The following ANKS1B variants were observed in gnomAD, a reference collection of about 807,000 sequenced individuals.
ANKS1B encodes ankyrin repeat and sterile alpha motif domain containing 1B, also known as ankyrin repeat and sterile alpha motif domain-containing protein 1B.
ANKS1B carries 36 observed loss-of-function variants against 148.3 expected under a neutral mutation model. That is an observed-to-expected ratio of 0.24 (90% CI 0.19 to 0.32). The LOEUF (loss-of-function observed/expected upper bound fraction) is 0.32, where lower values mean the gene tolerates loss of function less well. Among genes scored for constraint, ANKS1B ranks in the 10% least tolerant of loss-of-function variants. The pLI is 1.00. For synonymous variants in ANKS1B, 542 were observed against 560.8 expected, an observed-to-expected ratio of 0.97 and a Z score of 0.47; for missense variants, 1,157 against 1,542.6, an observed-to-expected ratio of 0.75 and a Z score of 4.19.
intron 12 of ANKS1B, among the ~76,000 whole-genome samples, chr12:99,367,786 T>TTGTG (rs370684225): frequency 2.6e-4 from 39 of 148,446 alleles, no homozygotes; most frequent in South Asian, 4.2e-4. Context: ...GTGTGTGTGC[T>TTGTG]TGTGTGTGTG....
At chr12:99,002,216 A>G (rs962951850) in intron 17 of ANKS1B, among the ~76,000 whole-genome samples, 6 of 152,162 alleles carry the variant, frequency 3.9e-5, no homozygotes, top group Non-Finnish European at 7.3e-5. Context: ...CACTTTTTGA[A>G]GAACTGCCAT....
chr12:99,203,255 T>A (rs1273136055), intron 14 of ANKS1B, among the ~76,000 whole-genome samples: 1 of 152,148 alleles, frequency 6.6e-6, no homozygotes, highest in African/African-American at 2.4e-5. Context: ...CCTACCTCTT[T>A]TGCGTTGCAT....
chr12:99,177,603 A>C (rs1760711312), intron 14 of ANKS1B, among the ~76,000 whole-genome samples: 2 of 152,232 alleles, frequency 1.3e-5, no homozygotes, highest in Non-Finnish European at 1.5e-5. Flanking sequence ...GTTTACACTT[A>C]TGTATGTCTG....
intron 8 of ANKS1B, among the ~76,000 whole-genome samples, chr12:99,767,658 T>C (rs1033653845): frequency 7.9e-5 from 12 of 152,120 alleles, no homozygotes; most frequent in Non-Finnish European, 1.5e-5. Flanking sequence ...AGGATATTTA[T>C]ATTTCTTCAA....
chr12:99,625,732 T>G (rs1368827208), intron 9 of ANKS1B, among the ~76,000 whole-genome samples: 1 of 152,064 alleles, frequency 6.6e-6, no homozygotes, highest in Admixed American at 6.6e-5. Context: ...TATAAATACT[T>G]CTGGAAAAAG....
At chr12:99,276,910 T>C (rs2077746436) in intron 12 of ANKS1B, among the ~76,000 whole-genome samples, 1 of 152,218 alleles carries the variant, frequency 6.6e-6, no homozygotes, top group South Asian at 2.1e-4. Context: ...CTCTGGATGT[T>C]ACATGATCTC....
chr12:99,300,861 G>A (rs1366804455), intron 12 of ANKS1B, among the ~76,000 whole-genome samples: 1 of 152,142 alleles, frequency 6.6e-6, no homozygotes, highest in Non-Finnish European at 1.5e-5. Context: ...GTGCTATTTG[G>A]TGACTAGATG....
At chr12:98,860,359 T>C (rs2099592720) in intron 17 of ANKS1B, among the ~76,000 whole-genome samples, 1 of 152,220 alleles carries the variant, frequency 6.6e-6, no homozygotes, top group Admixed American at 6.5e-5. Flanking sequence ...GTTCAGTAAG[T>C]TTGACCCTTT....
At chr12:99,574,139 T>G (rs934448579) in intron 9 of ANKS1B, among the ~76,000 whole-genome samples, 12 of 152,048 alleles carry the variant, frequency 7.9e-5, no homozygotes, top group Non-Finnish European at 1.8e-4. Flanking sequence ...CTCTTAAGGG[T>G]CATCTCAGTT....
At chr12:99,420,091 G>T (rs1324729085) in intron 11 of ANKS1B, among the ~76,000 whole-genome samples, 1 of 152,154 alleles carries the variant, frequency 6.6e-6, no homozygotes, top group Non-Finnish European at 1.5e-5. Flanking sequence ...CAGATGGGCA[G>T]ACAGGGAAAC....
rs751484293 is a variant in ANKS1B at position 99,896,246 on chromosome 12, C to T, written c.135-70857G>A. On this transcript the variant is annotated intron_variant, in intron 1 of 26. Coordinates refer to ENST00000683438, the MANE Select transcript of ANKS1B (RefSeq NM_001352186.2). ...GACCTCCATCTGCCCATTTCTCCCA[C>T]ACCCTTCATTCCTGGTAACCACTCT... Among the ~76,000 whole-genome samples the T allele has an allele frequency of 4.6e-5, 7 of 151,250 alleles. 1 individual carries two copies. Among genetic ancestry groups the T allele is most frequent in the Non-Finnish European group, 8.9e-5 (6 of 67,576 alleles).
chr12:98,818,746 A>T (rs981321369), intron 19 of ANKS1B, among the ~76,000 whole-genome samples: 2 of 152,198 alleles, frequency 1.3e-5, no homozygotes, highest in Non-Finnish European at 1.5e-5. Context: ...TATACATTAT[A>T]TTCCTTTCTT....
chr12:98,813,804 C>A (rs2099117059), intron 19 of ANKS1B, among the ~76,000 whole-genome samples: 1 of 152,174 alleles, frequency 6.6e-6, no homozygotes. Context: ...ATCCAACCAC[C>A]TTGGCCTCCC....
intron 1 of ANKS1B, among the ~76,000 whole-genome samples, chr12:99,842,612 C>CGTAA (rs1296354312): frequency 6.6e-6 from 1 of 152,064 alleles, no homozygotes; most frequent in Non-Finnish European, 1.5e-5. Context: ...AACCCTCTTA[C>CGTAA]CCATGTTTCC....
chr12:99,545,470 TTTTG>T (rs1335178215), intron 9 of ANKS1B, among the ~76,000 whole-genome samples: 4 of 151,890 alleles, frequency 2.6e-5, no homozygotes, highest in South Asian at 2.1e-4. Context: ...CCTCTCTGGG[TTTTG>T]TTTGTTTGTT....
At chr12:98,786,014 A>G (rs2098791288) in intron 22 of ANKS1B, among the ~76,000 whole-genome samples, 1 of 152,108 alleles carries the variant, frequency 6.6e-6, no homozygotes, top group African/African-American at 2.4e-5. Flanking sequence ...ACCCCCCTTC[A>G]GAGCCAGCTT....
intron 12 of ANKS1B, among the ~76,000 whole-genome samples, chr12:99,368,008 G>A (rs2092875838): frequency 6.6e-6 from 1 of 152,054 alleles, no homozygotes; most frequent in Non-Finnish European, 1.5e-5. Flanking sequence ...GAATAAATAA[G>A]CCTAACTCTA....
chr12:98,752,462 T>C (rs961269394), intron 25 of ANKS1B, among the ~76,000 whole-genome samples: 11 of 152,074 alleles, frequency 7.2e-5, no homozygotes, highest in Non-Finnish European at 1.5e-4. Flanking sequence ...TTTCACTATG[T>C]TGGCCAGGCT....
At chr12:98,854,635 T>C (rs1331656174) in intron 17 of ANKS1B, among the ~76,000 whole-genome samples, 1 of 152,242 alleles carries the variant, frequency 6.6e-6, no homozygotes, top group Non-Finnish European at 1.5e-5. Context: ...AATTGCTTTT[T>C]GCAATGTCAT....
Sources: allele counts gnomAD v4.1 joint callset (sites outside exome capture counted in the v4.1 genomes callset), GRCh38; gene constraint gnomAD v4.1.1; transcripts MANE v1.5; gene names NCBI Gene and HGNC (gene_info 2026-07-23, HGNC 2026-07-21).